Variants in SPATA31H1 observed in about 807,000 individuals in gnomAD.
SPATA31H1 encodes spermatogenesis-associated protein 31H1.
the SPATA31H1 span, chr2:27,537,430 G>T: frequency 1.4e-6 from 1 of 717,286 alleles, no homozygotes; most frequent in Non-Finnish European, 2.6e-6. Flanking sequence ...TTGAGAAATG[G>T]CACCAATTTG....
At chr2:27,574,651 T>C in the SPATA31H1 span, 1 of 398,476 alleles carries the variant, frequency 2.5e-6, no homozygotes, top group East Asian at 3.6e-5. Flanking sequence ...TCTGAGTTGA[T>C]TCAGGGAACA....
chr2:27,543,382 G>T, the SPATA31H1 span, among the ~76,000 whole-genome samples: 1 of 151,830 alleles, frequency 6.6e-6, no homozygotes, highest in Admixed American at 6.6e-5. Context: ...AAGAGTAAAA[G>T]ACAAATGTCT....
the SPATA31H1 span, chr2:27,578,282 A>G: frequency 5.0e-6 from 8 of 1,614,210 alleles, no homozygotes; most frequent in South Asian, 1.1e-5. Flanking sequence ...AATTAATCAC[A>G]AAGCCAAAAC....
the SPATA31H1 span, chr2:27,571,048 G>A: frequency 1.3e-5 from 5 of 398,260 alleles, no homozygotes; most frequent in Admixed American, 4.4e-5. Flanking sequence ...AAACTTAAAG[G>A]TTTCAGATCT....
At chr2:27,552,785 T>C in the SPATA31H1 span, among the ~76,000 whole-genome samples, 1 of 152,086 alleles carries the variant, frequency 6.6e-6, no homozygotes, top group Non-Finnish European at 1.5e-5. Context: ...CCTCTCAGTG[T>C]ACAATCTTGC....
At chr2:27,548,320 A>C in the SPATA31H1 span, among the ~76,000 whole-genome samples, 1 of 151,770 alleles carries the variant, frequency 6.6e-6, no homozygotes, top group Non-Finnish European at 1.5e-5. Flanking sequence ...TCAAACTCCA[A>C]TTATCGCCTG....
chr2:27,552,562 A>C, the SPATA31H1 span, among the ~76,000 whole-genome samples: 1 of 151,984 alleles, frequency 6.6e-6, no homozygotes, highest in Non-Finnish European at 1.5e-5. Flanking sequence ...TGTTTTGGCT[A>C]TTTAGGGACC....
the SPATA31H1 span, chr2:27,580,897 G>A: frequency 1.2e-6 from 2 of 1,614,100 alleles, no homozygotes; most frequent in Non-Finnish European, 1.7e-6. Flanking sequence ...CAACAGCCAA[G>A]AAGAGCTTAC....
chr2:27,576,730 C>T, the SPATA31H1 span: 1 of 1,614,020 alleles, frequency 6.2e-7, no homozygotes, highest in Non-Finnish European at 8.5e-7. Context: ...AATTTGTCTC[C>T]AGAATCACAG....
the SPATA31H1 span, among the ~76,000 whole-genome samples, chr2:27,552,226 A>G: frequency 6.6e-6 from 1 of 152,016 alleles, no homozygotes; most frequent in Non-Finnish European, 1.5e-5. Flanking sequence ...TACAGCTCTT[A>G]CATTTAGGTC....
the SPATA31H1 span, among the ~76,000 whole-genome samples, chr2:27,555,149 T>C: frequency 0.2 from 30,307 of 151,842 alleles, 3,362 homozygotes; most frequent in East Asian, 0.35. Context: ...TATAGGATCA[T>C]GTGAGTTTTT....
At chr2:27,581,289 A>G in the SPATA31H1 span, 1 of 1,614,190 alleles carries the variant, frequency 6.2e-7, no homozygotes, top group Non-Finnish European at 8.5e-7. Flanking sequence ...CTCTGAGAGA[A>G]GCCAACGCAG....
chr2:27,541,422 A>G, the SPATA31H1 span, among the ~76,000 whole-genome samples: 2 of 151,370 alleles, frequency 1.3e-5, no homozygotes, highest in Non-Finnish European at 2.9e-5. Flanking sequence ...GAGAGGGGAG[A>G]GGGGAGAGGG....
At chr2:27,553,244 A>G in the SPATA31H1 span, among the ~76,000 whole-genome samples, 1 of 152,074 alleles carries the variant, frequency 6.6e-6, no homozygotes, top group Admixed American at 6.5e-5. Context: ...CTTCCAGGTT[A>G]TTCTTTCCTT....
At chr2:27,547,898 T>C in the SPATA31H1 span, among the ~76,000 whole-genome samples, 1 of 151,784 alleles carries the variant, frequency 6.6e-6, no homozygotes, top group East Asian at 1.9e-4. Context: ...GTAAATATTT[T>C]AGTATATCTA....
chr2:27,576,828 C>T, the SPATA31H1 span: 7 of 1,613,966 alleles, frequency 4.3e-6, no homozygotes, highest in Non-Finnish European at 1.7e-6. Flanking sequence ...GTCTCTGCAG[C>T]AAACTATAAA....
the SPATA31H1 span, chr2:27,573,598 G>A: frequency 2.5e-6 from 1 of 398,304 alleles, no homozygotes; most frequent in East Asian, 3.6e-5. Flanking sequence ...AAATCATGTG[G>A]CCCAATTTCA....
chr2:27,542,710 A>C, the SPATA31H1 span, among the ~76,000 whole-genome samples: 4 of 151,926 alleles, frequency 2.6e-5, no homozygotes, highest in Admixed American at 6.5e-5. Context: ...GTCTTAACTA[A>C]AACTTCATCT....
At chr2:27,547,059 C>T in the SPATA31H1 span, among the ~76,000 whole-genome samples, 4 of 151,794 alleles carry the variant, frequency 2.6e-5, no homozygotes, top group East Asian at 1.9e-4. Context: ...GGGTCTATTT[C>T]GGGACTCTCT....
Sources: allele counts gnomAD v4.1 joint callset (sites outside exome capture counted in the v4.1 genomes callset), GRCh38; gene constraint gnomAD v4.1.1; transcripts MANE v1.5; gene names NCBI Gene and HGNC (gene_info 2026-07-23, HGNC 2026-07-21).